Variants in ZSCAN25 observed in about 807,000 individuals in gnomAD.
ZSCAN25 encodes zinc finger and SCAN domain-containing protein 25.
In ZSCAN25, 27 loss-of-function variants were observed where a neutral mutation model predicts 38.7. That is an observed-to-expected ratio of 0.70 (90% CI 0.51 to 0.96). The LOEUF is 0.96. Ranked by LOEUF, ZSCAN25 falls within the 40% of genes least tolerant of loss-of-function variation. The pLI is 0.00. For missense variants in ZSCAN25, 637 were observed against 705.9 expected (o/e 0.90, Z 1.11); for synonymous variants, 273 against 277.7 (o/e 0.98, Z 0.17).
At chr7:99,660,338 T>C in the ZSCAN25 span, 1 of 1,313,938 alleles carries the variant, frequency 7.6e-7, no homozygotes, top group Non-Finnish European at 9.7e-7. Flanking sequence ...AACCGTTCTC[T>C]ATGTTTCTCC....
chr7:99,629,653 G>A lies in ZSCAN25; in HGVS notation c.1268G>A (p.Arg423His), dbSNP rs753954195. Residue 423 changes from arginine (R) to histidine (H), a missense_variant, in exon 8 of 8, where the codon CGC becomes CAC. Physicochemically the swap from Arg to His is conservative, Grantham distance 29. Coordinates refer to ENST00000394152, the MANE Select transcript of ZSCAN25 (RefSeq NM_145115.3). This position sits in a 1 kb window ranked among gnomAD's most constrained non-coding sequence, Gnocchi z 5.6. ...AGACACCACCTGGAGGTGCACCAGCGCAGCCACACTGGGGAGAAGCCCTAC... is the reference window on the plus strand; with the variant it reads ...AGACACCACCTGGAGGTGCACCAGCACAGCCACACTGGGGAGAAGCCCTAC... ...SQRHHLEVHQ[R>H]SHTGEKPYKC... 1.2e-5 allele frequency: 19 copies of A among 1,613,938 alleles called. No homozygotes were observed. In the Admixed American group the frequency reaches 1.5e-4, roughly 13 times the overall value.
intron 7 of ZSCAN25, among the ~76,000 whole-genome samples, chr7:99,628,383 A>G (rs913024972): frequency 2.6e-5 from 4 of 151,922 alleles, no homozygotes; most frequent in Admixed American, 6.6e-5. Context: ...TTGTTCCCCA[A>G]TACCTTTTCT....
the ZSCAN25 span, among the ~76,000 whole-genome samples, chr7:99,713,730 A>C: frequency 6.6e-6 from 1 of 152,168 alleles, no homozygotes; most frequent in South Asian, 2.1e-4. Flanking sequence ...TTCCTGAAAC[A>C]AATCTGGCTA....
chr7:99,699,635 G>A, the ZSCAN25 span, among the ~76,000 whole-genome samples: 1 of 152,122 alleles, frequency 6.6e-6, no homozygotes, highest in African/African-American at 2.4e-5. Context: ...TTCTCGTCTT[G>A]TTCAGCAGTT....
chr7:99,737,826 A>G, the ZSCAN25 span, among the ~76,000 whole-genome samples: 5 of 152,214 alleles, frequency 3.3e-5, no homozygotes, highest in Admixed American at 6.5e-5. Flanking sequence ...AACTAATGAA[A>G]TTGGTGTTGT....
the ZSCAN25 span, chr7:99,638,831 C>CGCCGCTGCGAAA: frequency 1.7e-4 from 114 of 690,642 alleles, no homozygotes; most frequent in East Asian, 2.4e-3. Flanking sequence ...ACAACGCCGC[C>CGCCGCTGCGAAA]GCCGCTGCGA....
chr7:99,629,996 C>T lies in ZSCAN25; in HGVS notation c.1611C>T (p.His537=), dbSNP rs891727575. 4.4e-6 allele frequency: 7 copies of T among 1,573,212 alleles called. No individual in the cohort carries two copies. Among genetic ancestry groups the T allele is most frequent in the Non-Finnish European group, 6.0e-6 (7 of 1,159,908 alleles). The part of the protein sequence containing the change: ...SILNRHQKTQ[H]RQEPLVQ ...TCAACCGGCACCAGAAGACCCAGCA[C>T]CGCCAGGAGCCGCTGGTGCAGTGAG... Residue 537 remains histidine (H), a synonymous_variant, in exon 8 of 8, where the codon CAC becomes CAT. Coordinates refer to ENST00000394152, the MANE Select transcript of ZSCAN25 (RefSeq NM_145115.3). The surrounding 1 kb of genome is among the most constrained non-coding windows in gnomAD (Gnocchi z 5.6).
chr7:99,632,986 G>GTTTTTTTTTTTTTTTTTTTTTTTTTTTTT (rs201141594), downstream of ZSCAN25, among the ~76,000 whole-genome samples: 17 of 141,532 alleles, frequency 1.2e-4, no homozygotes, highest in Admixed American at 3.5e-4. Flanking sequence ...TGCATTTTCT[G>GTTTTTTTTTTTTTTTTTTTTTTTTTTTTT]TTGTTTTTTT....
the ZSCAN25 span, among the ~76,000 whole-genome samples, chr7:99,701,573 C>G: frequency 6.6e-6 from 1 of 152,156 alleles, no homozygotes; most frequent in Admixed American, 6.5e-5. Context: ...CAACAGTGTA[C>G]GAGAATTCCC....
the ZSCAN25 span, chr7:99,648,436 A>T: frequency 6.5e-7 from 1 of 1,536,688 alleles, no homozygotes; most frequent in Non-Finnish European, 8.9e-7. Context: ...AGAATTAATA[A>T]ATGAAGTGAA....
chr7:99,692,067 G>T, the ZSCAN25 span, among the ~76,000 whole-genome samples: 1 of 152,190 alleles, frequency 6.6e-6, no homozygotes, highest in Non-Finnish European at 1.5e-5. Flanking sequence ...GCTTCCTTCA[G>T]GAGCTCTTGT....
At chr7:99,621,739 G>T (rs1806984483) in intron 5 of ZSCAN25, 165 bp downstream of exon 5, 1 of 491,148 alleles carries the variant, frequency 2.0e-6, no homozygotes, top group Non-Finnish European at 3.3e-6. Context: ...AAGTGAAATT[G>T]TTTCTTCTCC....
chr7:99,621,999 A>C (rs1354583269), intron 5 of ZSCAN25: 3 of 158,772 alleles, frequency 1.9e-5, no homozygotes, highest in African/African-American at 7.2e-5. Context: ...ATCTCAGCTC[A>C]CTGCAACCTT....
At chr7:99,617,329 C>T (rs1415669505) in intron 1 of ZSCAN25, among the ~76,000 whole-genome samples, 2 of 152,236 alleles carry the variant, frequency 1.3e-5, no homozygotes, top group African/African-American at 2.4e-5. Context: ...CAAAGCAGAA[C>T]TCTGTGCAAA....
chr7:99,730,936 A>ACACG, the ZSCAN25 span: 1 of 1,315,806 alleles, frequency 7.6e-7, no homozygotes, highest in Non-Finnish European at 1.1e-6. Flanking sequence ...GGTGATGCCT[A>ACACG]CACGCTATTT....
the ZSCAN25 span, among the ~76,000 whole-genome samples, chr7:99,651,893 A>G: frequency 6.6e-6 from 1 of 152,234 alleles, no homozygotes; most frequent in Non-Finnish European, 1.5e-5. Flanking sequence ...AGATAGGACC[A>G]GGAGGACCTG....
At chr7:99,659,553 T>G in the ZSCAN25 span, 1 of 154,032 alleles carries the variant, frequency 6.5e-6, no homozygotes, top group Non-Finnish European at 1.4e-5. Flanking sequence ...GTCTGTCTGT[T>G]CTCAGATCTC....
At chr7:99,621,664 T>A in intron 5 of ZSCAN25, 90 bp downstream of exon 5, 1 of 1,081,526 alleles carries the variant, frequency 9.2e-7, no homozygotes, top group Non-Finnish European at 1.2e-6. Flanking sequence ...ATGGAGCAAC[T>A]AAGTTACCCA....
the ZSCAN25 span, chr7:99,680,011 C>T: frequency 2.3e-6 from 2 of 883,582 alleles, no homozygotes; most frequent in East Asian, 4.9e-5. Context: ...TTCAGCCAAG[C>T]TGCTGAAAGA....
Sources: gnomAD v4.1 joint callset for allele counts (sites outside exome capture counted in the v4.1 genomes callset) on GRCh38, gnomAD v4.1.1 for gene constraint, Gnocchi (gnomAD v3.1) non-coding constraint, MANE v1.5 for transcripts, NCBI Gene and HGNC (gene_info 2026-07-23, HGNC 2026-07-21) for gene names.